The following EDAR variants were observed in gnomAD, a reference collection of about 807,000 sequenced individuals.
EDAR encodes tumor necrosis factor receptor superfamily member EDAR.
A neutral mutation model predicts 51.3 loss-of-function variants in EDAR; 38 were observed. The ratio of observed to expected loss-of-function variants is 0.74; its 90% CI spans 0.57 to 0.97. The LOEUF is 0.97. EDAR is among the 50% of genes least tolerant of loss of function. EDAR has a pLI of 0.00. For missense variants in EDAR, 528 were observed against 595.0 expected, an observed-to-expected ratio of 0.89 and a Z score of 1.17; for synonymous variants, 227 against 242.1, an observed-to-expected ratio of 0.94 and a Z score of 0.58.
At chr2:108,988,142 G>A (rs772040005) in intron 1 of EDAR, among the ~76,000 whole-genome samples, 2 of 152,194 alleles carry the variant, frequency 1.3e-5, no homozygotes, top group African/African-American at 2.4e-5. Context: ...ACCGGCATCT[G>A]CCCTGCTTGT....
intron 5 of EDAR, among the ~76,000 whole-genome samples, chr2:108,919,435 C>T (rs112839249): frequency 0.07 from 10,581 of 152,110 alleles, 451 homozygotes; most frequent in South Asian, 0.12. Flanking sequence ...CTCAGTTCAC[C>T]GCAACCTCCA....
At chr2:108,940,903 T>G (rs1697580876) in intron 1 of EDAR, among the ~76,000 whole-genome samples, 1 of 152,240 alleles carries the variant, frequency 6.6e-6, no homozygotes, top group Non-Finnish European at 1.5e-5. Flanking sequence ...TAACTTGCAA[T>G]AAGCTTCACA....
intron 1 of EDAR, among the ~76,000 whole-genome samples, chr2:108,972,554 G>A (rs1032637766): frequency 6.6e-6 from 1 of 152,256 alleles, no homozygotes; most frequent in African/African-American, 2.4e-5. Context: ...GAGATTGTAG[G>A]TGACCTGGGT....
intron 1 of EDAR, among the ~76,000 whole-genome samples, chr2:108,933,158 G>A (rs1697403707): frequency 6.6e-6 from 1 of 152,236 alleles, no homozygotes; most frequent in South Asian, 2.1e-4. Flanking sequence ...GAATGCCTCC[G>A]GGTGTATTTG....
chr2:108,938,907 G>A (rs1697529730), intron 1 of EDAR, among the ~76,000 whole-genome samples: 2 of 148,800 alleles, frequency 1.3e-5, no homozygotes, highest in Admixed American at 1.4e-4. Context: ...AGCCTCTCGA[G>A]TAGCTGCGAC....
chr2:108,979,432 CTCTT>C (rs1172856754), intron 1 of EDAR, among the ~76,000 whole-genome samples: 20 of 136,290 alleles, frequency 1.5e-4, no homozygotes, highest in African/African-American at 5.7e-4. Flanking sequence ...GTCTCTCTCT[CTCTT>C]TCTCTCTCTC....
chr2:108,988,660 C>A (rs1456860517), intron 1 of EDAR, among the ~76,000 whole-genome samples: 2 of 152,194 alleles, frequency 1.3e-5, no homozygotes, highest in Non-Finnish European at 2.9e-5. Flanking sequence ...CCTGGAGGAA[C>A]CCGTTGCTTC....
chr2:108,946,437 G>A (rs1167027419), intron 1 of EDAR, among the ~76,000 whole-genome samples: 1 of 152,164 alleles, frequency 6.6e-6, no homozygotes, highest in African/African-American at 2.4e-5. Flanking sequence ...AGGAATATTG[G>A]CAGCACCAAA....
intron 5 of EDAR, among the ~76,000 whole-genome samples, chr2:108,913,167 G>T (rs576854982): frequency 4.8e-4 from 73 of 151,532 alleles, no homozygotes; most frequent in Non-Finnish European, 9.0e-4. Flanking sequence ...GCCAGGATGG[G>T]CTCGATCTCC....
chr2:108,950,558 A>T (rs73952568), intron 1 of EDAR, among the ~76,000 whole-genome samples: 1 of 152,226 alleles, frequency 6.6e-6, no homozygotes, highest in Non-Finnish European at 1.5e-5. Flanking sequence ...TTCTGACATG[A>T]TGTAGCTGAA....
chr2:108,931,850 A>G (rs1040368797), intron 1 of EDAR, among the ~76,000 whole-genome samples: 4 of 152,048 alleles, frequency 2.6e-5, no homozygotes, highest in African/African-American at 9.7e-5. Flanking sequence ...AATGTGCTCT[A>G]GTGATCGCCT....
chr2:108,977,320 A>G (rs1322984662), intron 1 of EDAR, among the ~76,000 whole-genome samples: 3 of 151,990 alleles, frequency 2.0e-5, no homozygotes, highest in South Asian at 2.1e-4. Context: ...CCAGGCTGGA[A>G]TGCAGTGGCG....
chr2:108,929,393 G>C lies in EDAR; in HGVS notation c.175-14C>G. On this transcript the variant is annotated splice_polypyrimidine_tract_variant and intron_variant, in intron 3 of 11. Coordinates refer to ENST00000258443, the MANE Select transcript of EDAR (RefSeq NM_022336.4). ...GTAGCCACAGGACTGTCCAGGGAAA[G>C]AGGACAGGGGACACAGGTGAGTGCA... 6.2e-7 allele frequency: 1 copy of C among 1,613,796 alleles called. No homozygotes were observed. The highest frequency in any genetic ancestry group is 8.5e-7 in the Non-Finnish European group (1 of 1,179,830).
intron 1 of EDAR, among the ~76,000 whole-genome samples, chr2:108,938,377 T>C (rs921888064): frequency 7.2e-5 from 11 of 152,236 alleles, no homozygotes; most frequent in African/African-American, 2.7e-4. Flanking sequence ...AGCAGGTGTG[T>C]GTGCACTTGT....
chr2:108,970,816 G>T (rs926389259), intron 1 of EDAR, among the ~76,000 whole-genome samples: 8 of 152,210 alleles, frequency 5.3e-5, no homozygotes, highest in African/African-American at 9.6e-5. Flanking sequence ...TAATTTGTTT[G>T]TGGTGCCAAT....
chr2:108,986,631 G>A (rs899129652), intron 1 of EDAR, among the ~76,000 whole-genome samples: 1 of 152,250 alleles, frequency 6.6e-6, no homozygotes, highest in African/African-American at 2.4e-5. Flanking sequence ...GAACCTCTCT[G>A]AGCCTCAATT....
chr2:108,911,232 G>A (rs527306319), intron 6 of EDAR, among the ~76,000 whole-genome samples, 160 bp from the exon 7 acceptor site: 51 of 152,118 alleles, frequency 3.4e-4, no homozygotes, highest in Admixed American at 2.7e-3. Flanking sequence ...CAAATCCTCC[G>A]CGCTGGTTTT....
chr2:108,935,959 T>C (rs1697460473), intron 1 of EDAR, among the ~76,000 whole-genome samples: 1 of 152,234 alleles, frequency 6.6e-6, no homozygotes, highest in Non-Finnish European at 1.5e-5. Context: ...TTTGACTGTC[T>C]ATACTTGTCA....
intron 1 of EDAR, chr2:108,940,075 A>G (rs1206363075): frequency 6.6e-6 from 1 of 152,284 alleles, no homozygotes; most frequent in African/African-American, 2.4e-5. Context: ...AATTTGACTG[A>G]GACGATAGCC....
Sources: gnomAD v4.1 joint callset for allele counts (sites outside exome capture counted in the v4.1 genomes callset) on GRCh38, gnomAD v4.1.1 for gene constraint, MANE v1.5 for transcripts, NCBI Gene and HGNC (gene_info 2026-07-23, HGNC 2026-07-21) for gene names.